CNTNAP4: variants seen among roughly 807,000 people sequenced by gnomAD.
CNTNAP4 encodes the protein contactin associated protein family member 4, also known as contactin-associated protein-like 4.
A neutral mutation model predicts 148.4 loss-of-function variants in CNTNAP4; 98 were observed. The ratio of observed to expected loss-of-function variants is 0.66; its 90% CI spans 0.56 to 0.78. The LOEUF is 0.78. CNTNAP4 is among the 30% of genes least tolerant of loss of function. The probability of loss-of-function intolerance (pLI) is 0.00; values close to 1 mark genes in which losing one functional copy is unlikely to be tolerated. For missense variants in CNTNAP4, 1,935 were observed against 1,565.6 expected, an observed-to-expected ratio of 1.24 and a Z score of -3.98; for synonymous variants, 730 against 565.1, an observed-to-expected ratio of 1.29 and a Z score of -4.14.
Position 76,349,147 on chromosome 16 carries a change from T to G in CNTNAP4, c.197-6171T>G, listed in dbSNP as rs575254686. ...TTTCAGAACTTGATCTCACTTCATT[T>G]CTCAACTCTCCTTCTCTCTCTTTTG... On this transcript the variant is annotated intron_variant, in intron 2 of 23. Coordinates refer to ENST00000611870, the MANE Select transcript of CNTNAP4 (RefSeq NM_033401.5). 5.9e-5 allele frequency among the ~76,000 whole-genome samples: 9 copies of G among 152,158 alleles called. No individual in the cohort carries two copies. In the East Asian group the frequency reaches 1.7e-3, roughly 29 times the overall value.
rs1960663917 is a variant in CNTNAP4 at position 76,307,862 on chromosome 16, T to G, written c.86-8551T>G. 2.0e-5 allele frequency among the ~76,000 whole-genome samples: 3 copies of G among 152,156 alleles called. No individual in the cohort carries two copies. The South Asian group carries it at 6.2e-4, about 32-fold the overall frequency. On this transcript the variant is annotated intron_variant, in intron 1 of 23. Transcript: ENST00000611870. The stretch of plus-strand genomic sequence containing the variant: ...TAATCCATTAATTGTGAAGATTAAT[T>G]GGAAAAGCTATTCAAACTCAGGCTA...
chr16:76,348,835 G>A (rs1965132169), intron 2 of CNTNAP4, among the ~76,000 whole-genome samples: 1 of 132,544 alleles, frequency 7.5e-6, no homozygotes, highest in Non-Finnish European at 1.6e-5. Context: ...ATTATTTGAA[G>A]ACTGTTAACA....
At chr16:76,400,481 C>G (rs548932224) in intron 3 of CNTNAP4, among the ~76,000 whole-genome samples, 2 of 152,046 alleles carry the variant, frequency 1.3e-5, no homozygotes, top group South Asian at 2.1e-4. Context: ...ATATTTTCTT[C>G]TATTCTGTAA....
At chr16:76,438,418 C>G (rs1049528028) in intron 4 of CNTNAP4, among the ~76,000 whole-genome samples, 1 of 152,112 alleles carries the variant, frequency 6.6e-6, no homozygotes, top group Non-Finnish European at 1.5e-5. Flanking sequence ...TGGAGTTTTA[C>G]TGAAATGCCA....
chr16:76,328,425 C>G (rs534619510), intron 2 of CNTNAP4, among the ~76,000 whole-genome samples: 17 of 152,078 alleles, frequency 1.1e-4, no homozygotes, highest in Non-Finnish European at 1.9e-4. Context: ...ACGGTCATAA[C>G]CAAAAGGAGT....
At chr16:76,433,393 G>A (rs768333420) in intron 4 of CNTNAP4, among the ~76,000 whole-genome samples, 11 of 151,906 alleles carry the variant, frequency 7.2e-5, no homozygotes, top group Non-Finnish European at 1.3e-4. Flanking sequence ...GAAAATTATG[G>A]ATCATATTTA....
intron 1 of CNTNAP4, among the ~76,000 whole-genome samples, chr16:76,287,377 T>C (rs1958930870): frequency 1.3e-5 from 2 of 152,206 alleles, no homozygotes; most frequent in Non-Finnish European, 1.5e-5. Context: ...CAAAACAGCC[T>C]GATTCATTTT....
intron 4 of CNTNAP4, among the ~76,000 whole-genome samples, chr16:76,436,648 C>A (rs539867207): frequency 6.6e-6 from 1 of 152,182 alleles, no homozygotes; most frequent in East Asian, 1.9e-4. Context: ...CATTATGTTC[C>A]TTGGTTCTCC....
rs1306917075 is a variant in CNTNAP4 at position 76,490,014 on chromosome 16, T to C, written c.2080+131T>C. 41 of 475,360 alleles carry C rather than the reference T, an allele frequency of 8.6e-5. No homozygotes were observed. The Admixed American group carries it at 1.5e-3, about 17-fold the overall frequency. The allele number at this position is 475,360 out of a possible 1,614,324, so 29.4% of individuals were successfully genotyped here. On this transcript the variant is annotated intron_variant, in intron 13 of 23. Transcript: ENST00000611870. ...AGGGTATATGATCTCACATACTTAG[T>C]AAACATGTCACAGTCTGGAAGTCAC... is the stretch of plus-strand genomic sequence containing the variant.
intron 3 of CNTNAP4, among the ~76,000 whole-genome samples, chr16:76,414,167 A>G (rs1301155494): frequency 1.3e-5 from 2 of 151,410 alleles, no homozygotes; most frequent in Non-Finnish European, 1.5e-5. Flanking sequence ...CCTATAATGT[A>G]TGATACTTGC....
At chr16:76,295,497 A>G (rs1444496644) in intron 1 of CNTNAP4, among the ~76,000 whole-genome samples, 1 of 152,094 alleles carries the variant, frequency 6.6e-6, no homozygotes, top group Non-Finnish European at 1.5e-5. Flanking sequence ...GATAAAAAAC[A>G]GGAAATGGAG....
At chr16:76,484,399 A>G (rs1186430444) in intron 12 of CNTNAP4, among the ~76,000 whole-genome samples, 1 of 152,048 alleles carries the variant, frequency 6.6e-6, no homozygotes, top group Non-Finnish European at 1.5e-5. Context: ...AGCCACGTGG[A>G]TAGCAAGATG....
intron 3 of CNTNAP4, among the ~76,000 whole-genome samples, chr16:76,409,450 A>G (rs1409610665): frequency 6.6e-6 from 1 of 151,962 alleles, no homozygotes; most frequent in African/African-American, 2.4e-5. Flanking sequence ...TAATTTGAAA[A>G]TGTTGATCAA....
chr16:76,456,777 T>C (rs946136278), intron 8 of CNTNAP4, among the ~76,000 whole-genome samples: 2 of 152,142 alleles, frequency 1.3e-5, no homozygotes, highest in African/African-American at 4.8e-5. Context: ...TAAAATAAAG[T>C]AAGGCAGACA....
intron 3 of CNTNAP4, among the ~76,000 whole-genome samples, chr16:76,391,353 A>G (rs965239138): frequency 1.1e-4 from 16 of 152,154 alleles, no homozygotes; most frequent in East Asian, 3.9e-4. Context: ...CCCACCTCCA[A>G]TGTTCTTTCC....
chr16:76,489,664 T>TC, intron 12 of CNTNAP4, 22 bp from the exon 13 acceptor site: 5 of 1,399,390 alleles, frequency 3.6e-6, no homozygotes, highest in Non-Finnish European at 4.8e-6. Context: ...CCTCTCTTTC[T>TC]CCCCCCATTT....
At chr16:76,484,354 G>A (rs1486536661) in intron 12 of CNTNAP4, among the ~76,000 whole-genome samples, 1 of 144,990 alleles carries the variant, frequency 6.9e-6, no homozygotes, top group Admixed American at 7.0e-5. Flanking sequence ...AAGATTAAAA[G>A]TATTGATGGA....
chr16:76,505,184 C>T (rs569346351), intron 15 of CNTNAP4, among the ~76,000 whole-genome samples: 2 of 152,214 alleles, frequency 1.3e-5, no homozygotes, highest in East Asian at 3.9e-4. Context: ...TGGCTTTATT[C>T]CATAGTCCCC....
At chr16:76,474,704 C>G (rs1247414609) in intron 10 of CNTNAP4, among the ~76,000 whole-genome samples, 1 of 152,094 alleles carries the variant, frequency 6.6e-6, no homozygotes, top group Non-Finnish European at 1.5e-5. Flanking sequence ...CTGATTAGGG[C>G]TATTTGAGTC....
Sources: gnomAD v4.1 joint callset for allele counts (sites outside exome capture counted in the v4.1 genomes callset) on GRCh38, gnomAD v4.1.1 for gene constraint, MANE v1.5 for transcripts, NCBI Gene and HGNC (gene_info 2026-07-23, HGNC 2026-07-21) for gene names.